The following SLC25A48 variants were observed in gnomAD, a reference collection of about 807,000 sequenced individuals.
SLC25A48 encodes solute carrier family 25 member 48, also known as CTC-321K16.1.
Under a neutral mutation model 32.2 loss-of-function variants are expected in SLC25A48, and 29 were observed. That is an observed-to-expected ratio of 0.90 (90% CI 0.67 to 1.23). The LOEUF is 1.23. Ranked by LOEUF, SLC25A48 falls within the 50% of genes most tolerant of loss-of-function variation. The probability of loss-of-function intolerance (pLI) is 0.00; values close to 1 mark genes in which losing one functional copy is unlikely to be tolerated. For missense variants in SLC25A48, 399 were observed against 422.7 expected, an observed-to-expected ratio of 0.94 and a Z score of 0.49; for synonymous variants, 164 against 172.3, an observed-to-expected ratio of 0.95 and a Z score of 0.38.
At chr5:135,797,362 A>G (rs991193223) in intron 3 of SLC25A48, among the ~76,000 whole-genome samples, 2 of 151,868 alleles carry the variant, frequency 1.3e-5, no homozygotes, top group African/African-American at 4.8e-5. Context: ...CTGTGATATT[A>G]TTTCTAATAT....
At chr5:135,729,825 A>G (rs1755182796) in intron 3 of SLC25A48, among the ~76,000 whole-genome samples, 1 of 152,196 alleles carries the variant, frequency 6.6e-6, no homozygotes, top group Non-Finnish European at 1.5e-5. Context: ...TGTTAAAGTA[A>G]CTAGACATAT....
rs1468919009 is a variant in SLC25A48 at position 135,781,797 on chromosome 5, C to T, written c.-520-30726C>T. ...AAGAGGATGATATTACTGTCAATATCACAGGAAGTGTACACCCTTTCTGTG... is the reference window on the plus strand; with the variant it reads ...AAGAGGATGATATTACTGTCAATATTACAGGAAGTGTACACCCTTTCTGTG... On this transcript the variant is annotated intron_variant, in intron 3 of 10. Coordinates refer to the SLC25A48 transcript ENST00000646290. Among the ~76,000 whole-genome samples the T allele has an allele frequency of 3.4e-5, 4 of 116,206 alleles. 1 individual carries two copies. The highest frequency in any genetic ancestry group is 8.5e-5 in the Non-Finnish European group (4 of 47,064). 76.2% of individuals were successfully genotyped at this position (116,206 alleles called of 152,430 possible).
intron 3 of SLC25A48, among the ~76,000 whole-genome samples, chr5:135,799,298 G>A (rs987627306): frequency 1.3e-5 from 2 of 151,496 alleles, no homozygotes; most frequent in Non-Finnish European, 2.9e-5. Flanking sequence ...AATATTGAAG[G>A]GCAGATGTAC....
chr5:135,866,603 C>A (rs1761223775), intron 4 of SLC25A48, among the ~76,000 whole-genome samples: 1 of 152,158 alleles, frequency 6.6e-6, no homozygotes, highest in Non-Finnish European at 1.5e-5. Context: ...ACCACCACAC[C>A]CCAAAATAAA....
intron 3 of SLC25A48, among the ~76,000 whole-genome samples, chr5:135,635,179 C>T (rs1379472715): frequency 3.9e-5 from 6 of 152,164 alleles, no homozygotes; most frequent in African/African-American, 4.8e-5. Flanking sequence ...GGTGTACCAG[C>T]GTGTGGAATC....
chr5:135,694,392 C>T (rs1001659501), intron 3 of SLC25A48, among the ~76,000 whole-genome samples: 1 of 152,074 alleles, frequency 6.6e-6, no homozygotes, highest in Non-Finnish European at 1.5e-5. Context: ...GAAACCAGCT[C>T]CCCGTTAGAA....
rs371126144 is a variant in SLC25A48 at position 135,871,575 on chromosome 5, G to T, written c.536G>T (p.Arg179Leu). 6.2e-7 allele frequency: 1 copy of T among 1,614,132 alleles called. No homozygotes were observed. The highest frequency in any genetic ancestry group is 1.7e-5 in the Admixed American group (1 of 60,028). ...AATGAGGGCCTGGCGGGGCTATACC[G>T]GGGGGCCAGTGCCATGCTGCTGAGG... ...VRNEGLAGLYRGASAMLLRDV... is the reference protein window; with the variant it reads ...VRNEGLAGLYLGASAMLLRDV... Residue 179 changes from arginine to leucine, a missense_variant, in exon 5 of 8, where the codon CGG becomes CTG. Physicochemically the swap from Arg to Leu is moderately radical, Grantham distance 102. Transcript: ENST00000681962.
At chr5:135,753,702 A>C (rs922884404) in intron 3 of SLC25A48, among the ~76,000 whole-genome samples, 5 of 151,886 alleles carry the variant, frequency 3.3e-5, no homozygotes, top group Non-Finnish European at 5.9e-5. Flanking sequence ...CACAGGATGT[A>C]CATCCACTAT....
chr5:135,776,704 C>T (rs904211379), intron 3 of SLC25A48, among the ~76,000 whole-genome samples: 2 of 150,796 alleles, frequency 1.3e-5, no homozygotes, highest in African/African-American at 4.9e-5. Flanking sequence ...TGTACACACA[C>T]CCTGTGATAT....
intron 3 of SLC25A48, among the ~76,000 whole-genome samples, chr5:135,646,953 C>A (rs997555347): frequency 6.6e-6 from 1 of 151,466 alleles, no homozygotes; most frequent in Non-Finnish European, 1.5e-5. Context: ...ATATGATATA[C>A]AATATATTGT....
At chr5:135,710,455 G>C (rs990408047) in intron 3 of SLC25A48, among the ~76,000 whole-genome samples, 1 of 152,050 alleles carries the variant, frequency 6.6e-6, no homozygotes, top group African/African-American at 2.4e-5. Context: ...GTCTTGTTTT[G>C]ATCACTGACA....
At chr5:135,638,803 A>T (rs1752767096) in intron 3 of SLC25A48, among the ~76,000 whole-genome samples, 1 of 152,220 alleles carries the variant, frequency 6.6e-6, no homozygotes, top group African/African-American at 2.4e-5. Flanking sequence ...CATTGTCTTT[A>T]TATAAATCGT....
chr5:135,885,328 A>C (rs1040431215), intron 7 of SLC25A48, among the ~76,000 whole-genome samples: 6 of 152,308 alleles, frequency 3.9e-5, no homozygotes, highest in Admixed American at 2.6e-4. Context: ...TGATCCCACA[A>C]GCCTGCTGGG....
At chr5:135,732,562 A>G (rs1253062009) in intron 3 of SLC25A48, among the ~76,000 whole-genome samples, 3 of 152,186 alleles carry the variant, frequency 2.0e-5, no homozygotes, top group Non-Finnish European at 1.5e-5. Flanking sequence ...GAGTAGTAGA[A>G]TAGCAGATGG....
At chr5:135,796,573 A>AC (rs1273759126) in intron 3 of SLC25A48, among the ~76,000 whole-genome samples, 1 of 147,702 alleles carries the variant, frequency 6.8e-6, no homozygotes, top group South Asian at 2.2e-4. Flanking sequence ...TAATATCCAC[A>AC]GGGGGAGAGG....
intron 3 of SLC25A48, among the ~76,000 whole-genome samples, chr5:135,793,338 C>T (rs538100616): frequency 5.0e-4 from 76 of 151,518 alleles, no homozygotes; most frequent in South Asian, 2.5e-3. Context: ...CCTGATGTCA[C>T]AGAGGGTGTA....
At chr5:135,642,821 C>CAGG (rs1752870937) in intron 3 of SLC25A48, among the ~76,000 whole-genome samples, 1 of 152,194 alleles carries the variant, frequency 6.6e-6, no homozygotes, top group South Asian at 2.1e-4. Context: ...ATGCTCTTGG[C>CAGG]AGGTCCTGAC....
intron 1 of SLC25A48, among the ~76,000 whole-genome samples, chr5:135,628,119 G>C (rs1284947895): frequency 6.6e-6 from 1 of 152,152 alleles, no homozygotes; most frequent in South Asian, 2.1e-4. Flanking sequence ...ACATTTGGCT[G>C]GGTTTGAAGG....
intron 3 of SLC25A48, among the ~76,000 whole-genome samples, chr5:135,679,090 G>A (rs1753834334): frequency 6.6e-6 from 1 of 152,090 alleles, no homozygotes; most frequent in South Asian, 2.1e-4. Context: ...CTGGGCAGCA[G>A]TTGTGGCATA....
Sources: allele counts gnomAD v4.1 joint callset (sites outside exome capture counted in the v4.1 genomes callset), GRCh38; gene constraint gnomAD v4.1.1; transcripts MANE v1.5; gene names NCBI Gene and HGNC (gene_info 2026-07-23, HGNC 2026-07-21).